The following RIC8B variants were observed in gnomAD, a reference collection of about 807,000 sequenced individuals.
RIC8B encodes RIC8 guanine nucleotide exchange factor B, also known as chaperone Ric-8B.
RIC8B carries 16 observed loss-of-function variants against 57.5 expected under a neutral mutation model. The ratio of observed to expected loss-of-function variants is 0.28; its 90% CI spans 0.19 to 0.42. RIC8B has a LOEUF of 0.42. Among genes scored for constraint, RIC8B ranks in the 10% least tolerant of loss-of-function variants. The pLI, the probability that RIC8B is intolerant of heterozygous loss-of-function variation, is 1.00. For synonymous variants in RIC8B, 216 were observed against 250.8 expected (o/e 0.86, Z 1.31); for missense variants, 481 against 677.0 (o/e 0.71, Z 3.21).
At chr12:106,776,262 T>C (rs1306078318) in intron 1 of RIC8B, among the ~76,000 whole-genome samples, 1 of 152,258 alleles carries the variant, frequency 6.6e-6, no homozygotes, top group Non-Finnish European at 1.5e-5. Flanking sequence ...TGATACACTT[T>C]ATTGTTGAAC....
intron 1 of RIC8B, among the ~76,000 whole-genome samples, chr12:106,782,162 G>A (rs2043795116): frequency 6.6e-6 from 1 of 152,048 alleles, no homozygotes; most frequent in Admixed American, 6.6e-5. Context: ...ACTGTCACAT[G>A]CATAACATTC....
At chr12:106,836,938 C>T (rs779039143) in intron 4 of RIC8B, among the ~76,000 whole-genome samples, 7 of 152,240 alleles carry the variant, frequency 4.6e-5, no homozygotes, top group Admixed American at 2.6e-4. Context: ...TGCCACTGCT[C>T]CTGCCCCAGA....
At chr12:106,786,929 T>C (rs994350139) in intron 2 of RIC8B, among the ~76,000 whole-genome samples, 4 of 152,228 alleles carry the variant, frequency 2.6e-5, no homozygotes, top group African/African-American at 9.6e-5. Context: ...CATGGTGCCT[T>C]AGAAATCTGA....
intron 3 of RIC8B, chr12:106,823,470 G>T: frequency 2.2e-6 from 1 of 455,870 alleles, no homozygotes; most frequent in Non-Finnish European, 4.4e-6. Flanking sequence ...ATTTTGGTTT[G>T]CAGCTGCAAA....
chr12:106,785,764 C>T (rs528469850), intron 2 of RIC8B, among the ~76,000 whole-genome samples: 5 of 131,916 alleles, frequency 3.8e-5, no homozygotes, highest in Non-Finnish European at 8.2e-5. Context: ...GGGAGGTGAG[C>T]TCCAGACATG....
intron 9 of RIC8B, chr12:106,873,174 G>A: frequency 1.0e-6 from 1 of 985,420 alleles, no homozygotes; most frequent in Non-Finnish European, 1.2e-6. Flanking sequence ...CCCAACTGAA[G>A]GTGACACTGA....
rs145801980 is a variant in RIC8B, at chr12:106,860,011, G to T, written c.1307-257G>T. 8.3e-3 allele frequency among the ~76,000 whole-genome samples: 1,268 copies of T among 152,162 alleles called. 19 individuals carry two copies. The highest frequency in any genetic ancestry group is 0.029 in the African/African-American group (1,196 of 41,500). Reference sequence around the variant, plus strand: ...TACCAAAGGCCTGGCAGTCACAGAGGCCCCACTTTTGCCATAAAGTGTGTT... The same window carrying T: ...TACCAAAGGCCTGGCAGTCACAGAGTCCCCACTTTTGCCATAAAGTGTGTT... On this transcript the variant is annotated intron_variant, in intron 7 of 9. Transcript: ENST00000392837.
chr12:106,795,784 C>T (rs1395024185), intron 2 of RIC8B, among the ~76,000 whole-genome samples: 1 of 152,138 alleles, frequency 6.6e-6, no homozygotes, highest in Admixed American at 6.5e-5. Flanking sequence ...GAAAACCTTA[C>T]CGAGGACTTC....
chr12:106,840,370 C>T (rs538165596), intron 4 of RIC8B, among the ~76,000 whole-genome samples: 1 of 152,234 alleles, frequency 6.6e-6, no homozygotes, highest in South Asian at 2.1e-4. Context: ...GATGTCATGT[C>T]TCAGTGATTA....
intron 9 of RIC8B, among the ~76,000 whole-genome samples, chr12:106,876,551 G>A (rs909947229): frequency 2.0e-5 from 3 of 152,170 alleles, no homozygotes; most frequent in African/African-American, 7.2e-5. Flanking sequence ...AAGGTGTCAG[G>A]GGAGGATTAA....
chr12:106,855,416 C>T (rs1949678446), intron 7 of RIC8B, among the ~76,000 whole-genome samples: 1 of 74,810 alleles, frequency 1.3e-5, no homozygotes, highest in African/African-American at 5.9e-5. Flanking sequence ...CTGTCCTTCA[C>T]TGCTTAACAT....
intron 6 of RIC8B, among the ~76,000 whole-genome samples, chr12:106,847,450 G>A (rs1272402881): frequency 6.6e-6 from 1 of 152,134 alleles, no homozygotes; most frequent in Non-Finnish European, 1.5e-5. Context: ...AATGGGAGAC[G>A]TACTAAGTAT....
chr12:106,814,327 G>C (rs1370652397), intron 2 of RIC8B, among the ~76,000 whole-genome samples: 1 of 152,144 alleles, frequency 6.6e-6, no homozygotes, highest in Non-Finnish European at 1.5e-5. Flanking sequence ...GGGGGTTCAA[G>C]GGTTTCTGAA....
rs371533671 is a variant in RIC8B, at chr12:106,855,728, T to A, written c.1306+4134T>A. On this transcript the variant is annotated intron_variant, in intron 7 of 9. Transcript: ENST00000392837. ...TAATTGCTGGTGTTCCCTAAAGTAATCTTTTGGTCCCAATCCTCACTTCAC... is the reference window on the plus strand; with the variant it reads ...TAATTGCTGGTGTTCCCTAAAGTAAACTTTTGGTCCCAATCCTCACTTCAC... 2.6e-5 allele frequency among the ~76,000 whole-genome samples: 4 copies of A among 152,268 alleles called. No individual in the cohort carries two copies. In the East Asian group the frequency reaches 5.8e-4, roughly 22 times the overall value.
chr12:106,849,414 A>G (rs1949359635), intron 6 of RIC8B, among the ~76,000 whole-genome samples: 1 of 151,016 alleles, frequency 6.6e-6, no homozygotes, highest in Non-Finnish European at 1.5e-5. Context: ...TGGTCTTCCA[A>G]AGCGCTGGGA....
At chr12:106,861,693 A>AGACTAATTTT (rs1156290001) in intron 8 of RIC8B, among the ~76,000 whole-genome samples, 8 of 152,132 alleles carry the variant, frequency 5.3e-5, no homozygotes, top group Non-Finnish European at 1.0e-4. Flanking sequence ...ATCATTCTAA[A>AGACTAATTTT]TTAGTCTTAC....
chr12:106,850,474 A>T (rs917098106), intron 6 of RIC8B, among the ~76,000 whole-genome samples: 2 of 152,210 alleles, frequency 1.3e-5, no homozygotes, highest in Non-Finnish European at 2.9e-5. Flanking sequence ...GGAGAAAGGT[A>T]TGTGGGTGGA....
chr12:106,831,861 A>G (rs2046364687), intron 4 of RIC8B, among the ~76,000 whole-genome samples: 2 of 152,204 alleles, frequency 1.3e-5, no homozygotes, highest in Admixed American at 6.5e-5. Flanking sequence ...CCCCGAGAGC[A>G]TCCGTCTTTC....
intron 8 of RIC8B, among the ~76,000 whole-genome samples, chr12:106,866,890 T>C (rs1429982475): frequency 2.0e-5 from 3 of 152,148 alleles, no homozygotes; most frequent in Non-Finnish European, 4.4e-5. Context: ...TGACAACCAG[T>C]TGATGGAATT....
Sources: allele counts gnomAD v4.1 joint callset (sites outside exome capture counted in the v4.1 genomes callset), GRCh38; gene constraint gnomAD v4.1.1; transcripts MANE v1.5; gene names NCBI Gene and HGNC (gene_info 2026-07-23, HGNC 2026-07-21).